Variants in CFAP43 observed in about 807,000 individuals in gnomAD.
The protein encoded by CFAP43 is cilia- and flagella-associated protein 43.
Under a neutral mutation model 218.9 loss-of-function variants are expected in CFAP43, and 155 were observed. The observed-to-expected ratio is 0.71, with a 90% CI of 0.62 to 0.81. CFAP43 has a LOEUF of 0.81. CFAP43 is among the 30% of genes least tolerant of loss of function. The pLI, the probability that CFAP43 is intolerant of heterozygous loss-of-function variation, is 0.00. For synonymous variants in CFAP43, 645 were observed against 681.3 expected, an observed-to-expected ratio of 0.95 and a Z score of 0.83; for missense variants, 1,778 against 1,954.3, an observed-to-expected ratio of 0.91 and a Z score of 1.70.
intron 37 of CFAP43, among the ~76,000 whole-genome samples, chr10:104,130,998 CAAAAAAAAAA>C (rs1163188252): frequency 1.9e-4 from 11 of 56,718 alleles, no homozygotes; most frequent in Admixed American, 1.7e-3. Context: ...CACCCTGTCT[CAAAAAAAAAA>C]AAAAAAAAAA....
At chr10:104,222,205 T>G (rs1402797148) in intron 3 of CFAP43, among the ~76,000 whole-genome samples, 1 of 152,184 alleles carries the variant, frequency 6.6e-6, no homozygotes, top group Non-Finnish European at 1.5e-5. Context: ...AAATTATTTC[T>G]GGGAGTCCCC....
intron 17 of CFAP43, among the ~76,000 whole-genome samples, chr10:104,181,445 T>C (rs1433405397): frequency 7.9e-5 from 12 of 152,202 alleles, no homozygotes; most frequent in Admixed American, 7.9e-4. Flanking sequence ...ATTCTCCTCA[T>C]AGCATCAAAT....
intron 7 of CFAP43, 63 bp from the exon 8 acceptor site, chr10:104,203,866 A>C (rs2090604879): frequency 7.0e-7 from 1 of 1,438,220 alleles, no homozygotes; most frequent in African/African-American, 1.4e-5. Flanking sequence ...TACTTGCCTC[A>C]TCAGACAAGC....
At chr10:104,227,882 A>G (rs1482784578) in intron 2 of CFAP43, among the ~76,000 whole-genome samples, 4 of 86,022 alleles carry the variant, frequency 4.6e-5, no homozygotes, top group African/African-American at 1.9e-4. Context: ...GAGTCTTGCT[A>G]TGTTGCCAGG....
chr10:104,146,469 A>G, intron 29 of CFAP43, 120 bp from the exon 30 acceptor site: 1 of 703,256 alleles, frequency 1.4e-6, no homozygotes, highest in South Asian at 1.7e-5. Context: ...TCTGTGAAGT[A>G]TTTATTCATG....
chr10:104,130,998 C>CAA (rs1163188252), intron 37 of CFAP43, among the ~76,000 whole-genome samples: 1,713 of 56,126 alleles, frequency 0.031, 69 homozygotes, highest in African/African-American at 0.084. Flanking sequence ...CACCCTGTCT[C>CAA]AAAAAAAAAA....
rs557007079 is a variant in CFAP43 at position 104,198,701 on chromosome 10, A to C, written c.1096-663T>G. Among the ~76,000 whole-genome samples the C allele has an allele frequency of 1.7e-4, 26 of 151,814 alleles. 1 individual carries two copies. The East Asian group carries it at 5.1e-3, about 30-fold the overall frequency. ...AGTCTCCCTCTGTCGCCCAGGCTGG[A>C]GTGCGATGGCGGAATCTTGGCTCAC... On this transcript the variant is annotated intron_variant, in intron 8 of 37. Transcript: ENST00000357060.
rs2134962865 is a variant in CFAP43, at chr10:104,208,334, C to G, written c.736-510G>C. 2.0e-5 allele frequency among the ~76,000 whole-genome samples: 3 copies of G among 152,274 alleles called. No homozygotes were observed. The South Asian group carries it at 6.2e-4, about 32-fold the overall frequency. ...AAAACAACAACAAAACACCATGTCT[C>G]TCATTTGCACAATACCAGTGAATCT... On this transcript the variant is annotated intron_variant, in intron 5 of 37. Coordinates refer to ENST00000357060, the MANE Select transcript of CFAP43 (RefSeq NM_025145.7).
chr10:104,172,140 A>C (rs2134846756), intron 20 of CFAP43, among the ~76,000 whole-genome samples: 1 of 152,366 alleles, frequency 6.6e-6, no homozygotes, highest in East Asian at 1.9e-4. Flanking sequence ...GAAGACTTCC[A>C]ACAATGTTCA....
intron 3 of CFAP43, among the ~76,000 whole-genome samples, chr10:104,219,914 T>C (rs2091130815): frequency 6.6e-6 from 1 of 152,186 alleles, no homozygotes; most frequent in Admixed American, 6.5e-5. Context: ...ATCCTTTAGG[T>C]ATTGCTATGG....
At chr10:104,204,060 G>C (rs1262595243) in intron 7 of CFAP43, among the ~76,000 whole-genome samples, 1 of 151,722 alleles carries the variant, frequency 6.6e-6, no homozygotes, top group African/African-American at 2.4e-5. Context: ...CTTTTTTTGA[G>C]TTTCTCTAGT....
chr10:104,181,122 T>C (rs2089827525), intron 17 of CFAP43, among the ~76,000 whole-genome samples: 1 of 152,166 alleles, frequency 6.6e-6, no homozygotes, highest in Non-Finnish European at 1.5e-5. Context: ...TAAAACTGAT[T>C]TTGAATTCCC....
At chr10:104,148,643 C>T (rs1001292093) in intron 28 of CFAP43, among the ~76,000 whole-genome samples, 1 of 152,162 alleles carries the variant, frequency 6.6e-6, no homozygotes, top group African/African-American at 2.4e-5. Flanking sequence ...CCTCTCTTGC[C>T]TCCTCTCTGA....
intron 20 of CFAP43, among the ~76,000 whole-genome samples, chr10:104,169,293 T>C (rs2089309664): frequency 6.6e-6 from 1 of 152,232 alleles, no homozygotes; most frequent in African/African-American, 2.4e-5. Flanking sequence ...GCCAGATATC[T>C]AAATGTTGGT....
At chr10:104,207,628 T>C (rs2090733546) in intron 6 of CFAP43, 37 bp downstream of exon 6, 3 of 1,580,290 alleles carry the variant, frequency 1.9e-6, no homozygotes, top group Non-Finnish European at 1.7e-6. Context: ...CCAACACCCA[T>C]GGCTATACAG....
intron 19 of CFAP43, 34 bp from the exon 20 acceptor site, chr10:104,172,569 T>C: frequency 6.5e-7 from 1 of 1,536,616 alleles, no homozygotes; most frequent in South Asian, 1.2e-5. Context: ...TGCTGACAAG[T>C]AAAGAATTAA....
intron 16 of CFAP43, among the ~76,000 whole-genome samples, 177 bp from the exon 17 acceptor site, chr10:104,182,690 G>T (rs1438141853): frequency 6.6e-6 from 1 of 151,960 alleles, no homozygotes; most frequent in Non-Finnish European, 1.5e-5. Context: ...TACTTCTTTT[G>T]CAGAATTTCT....
chr10:104,192,384 G>A, intron 11 of CFAP43, 82 bp from the exon 12 acceptor site: 1 of 1,032,974 alleles, frequency 9.7e-7, no homozygotes, highest in Non-Finnish European at 1.5e-6. Context: ...TGGCCACAGA[G>A]ATATGTTCAA....
Position 104,152,607 on chromosome 10 carries a change from C to T in CFAP43, c.3660G>A (p.Gln1220=). ...RRVKAEMVTN[Q]EELKISNLAF... ...TCACATAAGTAAAGCTTTTATTTAC[C>T]TGGTTGGTAACCATCTCTGCCTTCA... The change falls in exon 28 of 38, where the codon CAG becomes CAA. Residue 1220 remains glutamine (Q), a splice_region_variant and synonymous_variant. Coordinates refer to ENST00000357060, the MANE Select transcript of CFAP43 (RefSeq NM_025145.7). 3.1e-6 allele frequency: 5 copies of T among 1,613,200 alleles called. No individual in the cohort carries two copies. The highest frequency in any genetic ancestry group is 4.2e-6 in the Non-Finnish European group (5 of 1,179,680).
Sources: gnomAD v4.1 joint callset for allele counts (sites outside exome capture counted in the v4.1 genomes callset) on GRCh38, gnomAD v4.1.1 for gene constraint, MANE v1.5 for transcripts, NCBI Gene and HGNC (gene_info 2026-07-23, HGNC 2026-07-21) for gene names.